SNRPN: variants seen among roughly 807,000 people sequenced by gnomAD.
SNRPN encodes the protein small nuclear ribonucleoprotein polypeptide N, also known as small nuclear ribonucleoprotein-associated protein N.
SNRPN carries 7 observed loss-of-function variants against 25.2 expected under a neutral mutation model. That is an observed-to-expected ratio of 0.28 (90% CI 0.16 to 0.52). The LOEUF is 0.52. SNRPN is among the 20% of genes least tolerant of loss of function. SNRPN has a pLI of 0.96. For synonymous variants in SNRPN, 124 were observed against 110.6 expected, an observed-to-expected ratio of 1.12 and a Z score of -0.76; for missense variants, 196 against 322.5, an observed-to-expected ratio of 0.61 and a Z score of 3.00.
At chr15:24,965,908 A>G (rs2075558906) in intron 2 of SNRPN, among the ~76,000 whole-genome samples, 1 of 148,802 alleles carries the variant, frequency 6.7e-6, no homozygotes, top group African/African-American at 2.5e-5. Context: ...ACCTTTATGA[A>G]TAATAATCAG....
At chr15:24,962,833 T>C (rs1377976030) in intron 2 of SNRPN, among the ~76,000 whole-genome samples, 1 of 152,218 alleles carries the variant, frequency 6.6e-6, no homozygotes, top group Non-Finnish European at 1.5e-5. Flanking sequence ...GCCATTAAAA[T>C]TTTGATGGCA....
Position 24,863,322 on chromosome 15 carries a change from G to T in SNRPN, c.-579+6606G>T, listed in dbSNP as rs544607358. Among the ~76,000 whole-genome samples, 4 of 150,780 alleles carry T rather than the reference G, an allele frequency of 2.7e-5. 1 individual carries two copies. The highest frequency in any genetic ancestry group is 9.9e-5 in the African/African-American group (4 of 40,264). ...CCTCACAGGAAACTGCAGATAAGGGGGGTTCCCAGCTGCACAGAAGAAGGA... is the reference window on the plus strand; with the variant it reads ...CCTCACAGGAAACTGCAGATAAGGGTGGTTCCCAGCTGCACAGAAGAAGGA... On this transcript the variant is annotated intron_variant, in intron 1 of 11. Coordinates refer to the SNRPN transcript ENST00000400097.
intron 3 of SNRPN, among the ~76,000 whole-genome samples, chr15:24,923,881 A>ATGTGTG (rs58343685): frequency 0.075 from 7,969 of 105,886 alleles, 341 homozygotes; most frequent in East Asian, 0.087. Flanking sequence ...AGTGCCGTGT[A>ATGTGTG]TGTGTGTGTG....
intron 3 of SNRPN, among the ~76,000 whole-genome samples, chr15:24,937,255 CAAAA>C (rs1359669861): frequency 1.3e-5 from 2 of 151,708 alleles, no homozygotes; most frequent in East Asian, 1.9e-4. Flanking sequence ...AACAAACAAA[CAAAA>C]AAATCAAAAC....
At chr15:24,927,444 CCTCT>C (rs1207855239) in intron 3 of SNRPN, among the ~76,000 whole-genome samples, 1 of 144,148 alleles carries the variant, frequency 6.9e-6, no homozygotes, top group African/African-American at 2.6e-5. Context: ...TTTTTTTCTC[CCTCT>C]GTTTCCCACT....
At chr15:24,854,952 C>G (rs563921789), upstream of SNRPN, among the ~76,000 whole-genome samples, 2 of 151,396 alleles carry the variant, frequency 1.3e-5, no homozygotes, top group Admixed American at 1.3e-4. Flanking sequence ...TGCAGCGAGC[C>G]GAGATTGTGC....
At chr15:24,976,439 C>G in intron 6 of SNRPN, 23 bp downstream of exon 6, 1 of 1,491,922 alleles carries the variant, frequency 6.7e-7, no homozygotes, top group Non-Finnish European at 9.3e-7. Flanking sequence ...TAGGGCAGGA[C>G]AGAACTTTAA....
At chr15:24,938,113 C>T (rs1023920458) in intron 3 of SNRPN, among the ~76,000 whole-genome samples, 1 of 133,688 alleles carries the variant, frequency 7.5e-6, no homozygotes, top group South Asian at 2.3e-4. Context: ...GCTTCTAATT[C>T]GTTTTTTTTT....
chr15:24,868,347 G>C (rs2054785402), intron 1 of SNRPN, among the ~76,000 whole-genome samples: 1 of 152,128 alleles, frequency 6.6e-6, no homozygotes, highest in Admixed American at 6.5e-5. Context: ...CCATTCCTTG[G>C]CTGGCTGTTG....
chr15:24,953,034 C>T (rs1031142482), upstream of SNRPN, among the ~76,000 whole-genome samples: 1 of 152,138 alleles, frequency 6.6e-6, no homozygotes, highest in African/African-American at 2.4e-5. Flanking sequence ...GTTCTAAGAG[C>T]CAACATTTTT....
At chr15:24,829,350 G>C (rs1197193271) in intron 1 of SNRPN, among the ~76,000 whole-genome samples, 2 of 152,116 alleles carry the variant, frequency 1.3e-5, no homozygotes, top group South Asian at 2.1e-4. Context: ...GGAGGAGATT[G>C]TGGAGAGTGA....
intron 2 of SNRPN, among the ~76,000 whole-genome samples, chr15:24,894,992 G>C (rs547583753): frequency 1.4e-4 from 21 of 152,182 alleles, no homozygotes; most frequent in Non-Finnish European, 2.2e-4. Context: ...CCCAAAAGAA[G>C]CAGTTAAACC....
At chr15:24,922,722 A>G (rs1420844578) in intron 3 of SNRPN, among the ~76,000 whole-genome samples, 1 of 151,890 alleles carries the variant, frequency 6.6e-6, no homozygotes, top group African/African-American at 2.4e-5. Context: ...GTGTAATTCC[A>G]GCTTCTTAAT....
chr15:24,949,730 T>A (rs2062119298), intron 3 of SNRPN, among the ~76,000 whole-genome samples: 1 of 152,230 alleles, frequency 6.6e-6, no homozygotes, highest in South Asian at 2.1e-4. Flanking sequence ...GTTGTCAGGG[T>A]TCTTCCATGT....
At chr15:24,824,336 G>A (rs549429296) in intron 1 of SNRPN, among the ~76,000 whole-genome samples, 1 of 152,218 alleles carries the variant, frequency 6.6e-6, no homozygotes, top group East Asian at 1.9e-4. Flanking sequence ...TTGCTACCGT[G>A]CAAATGAGTG....
chr15:24,904,806 A>G (rs1226052360), intron 2 of SNRPN, among the ~76,000 whole-genome samples: 1 of 151,522 alleles, frequency 6.6e-6, no homozygotes, highest in Non-Finnish European at 1.5e-5. Flanking sequence ...TCTACTAAAA[A>G]TACAAAAATT....
chr15:24,947,111 A>G (rs61999154), intron 3 of SNRPN, among the ~76,000 whole-genome samples: 9,114 of 152,274 alleles, frequency 0.06, 294 homozygotes, highest in Non-Finnish European at 0.068. Context: ...ATTATTTTAT[A>G]ATGTATATGC....
intron 2 of SNRPN, among the ~76,000 whole-genome samples, chr15:24,890,448 G>A (rs553117595): frequency 9.2e-5 from 14 of 152,188 alleles, no homozygotes; most frequent in African/African-American, 2.4e-4. Context: ...AGGCTGAGGC[G>A]GGTGGATCAC....
chr15:24,838,760 T>C (rs1245670633), intron 2 of SNRPN, among the ~76,000 whole-genome samples: 1 of 152,024 alleles, frequency 6.6e-6, no homozygotes, highest in Non-Finnish European at 1.5e-5. Flanking sequence ...ATGTGCCTGA[T>C]AACATAAGCC....
Sources: allele counts gnomAD v4.1 joint callset (sites outside exome capture counted in the v4.1 genomes callset), GRCh38; gene constraint gnomAD v4.1.1; transcripts MANE v1.5; gene names NCBI Gene and HGNC (gene_info 2026-07-23, HGNC 2026-07-21).